LRP1B: variants seen among roughly 807,000 people sequenced by gnomAD.
The protein encoded by LRP1B is low-density lipoprotein receptor-related protein 1B.
In LRP1B, 217 loss-of-function variants were observed where a neutral mutation model predicts 556.6. The ratio of observed to expected loss-of-function variants is 0.39; its 90% CI spans 0.35 to 0.44. The LOEUF (loss-of-function observed/expected upper bound fraction) is 0.44. Ranked by LOEUF, LRP1B falls within the 20% of genes least tolerant of loss-of-function variation. LRP1B has a pLI of 1.00. For missense variants in LRP1B, 5,053 were observed against 5,620.8 expected (o/e 0.90, Z 3.23); for synonymous variants, 2,047 against 1,865.8 (o/e 1.10, Z -2.50).
intron 41 of LRP1B, among the ~76,000 whole-genome samples, chr2:140,658,389 C>T (rs1574203763): frequency 6.6e-6 from 1 of 151,882 alleles, no homozygotes; most frequent in East Asian, 1.9e-4. Flanking sequence ...CAAAAAAGTT[C>T]ATGTTTTCTA....
At chr2:140,644,863 G>C (rs1684424009) in intron 41 of LRP1B, among the ~76,000 whole-genome samples, 1 of 151,946 alleles carries the variant, frequency 6.6e-6, no homozygotes, top group Non-Finnish European at 1.5e-5. Flanking sequence ...TTATTCATTG[G>C]CCTTAGTATT....
intron 46 of LRP1B, among the ~76,000 whole-genome samples, chr2:140,536,300 C>A (rs543590456): frequency 2.5e-5 from 3 of 118,120 alleles, no homozygotes; most frequent in East Asian, 2.5e-4. Context: ...CACAATGAGA[C>A]CCCGTCTCTT....
chr2:141,773,943 T>C (rs893557420), intron 2 of LRP1B, among the ~76,000 whole-genome samples: 7 of 152,234 alleles, frequency 4.6e-5, no homozygotes, highest in Admixed American at 1.3e-4. Context: ...TCAGTGTTTA[T>C]GTCCAGAACT....
rs768322584 is a variant in LRP1B at position 141,015,882 on chromosome 2, T to C, written c.2004A>G (p.Glu668=). 1.9e-6 allele frequency: 3 copies of C among 1,613,486 alleles called. No homozygotes were observed. Among genetic ancestry groups the C allele is most frequent in the East Asian group, 4.5e-5 (2 of 44,784 alleles). ...WMYWTDWEED[E]IDDSVGRIEK... ...CAATCCTTCCCACGCTGTCATCTAT[T>C]TCATCTTCCTCCCAGTCTGTCCAAT... The change falls in exon 13 of 91, where the codon GAA becomes GAG. Residue 668 remains glutamate, a synonymous_variant. Coordinates refer to ENST00000389484, the MANE Select transcript of LRP1B (RefSeq NM_018557.3).
chr2:142,034,032 G>A (rs150204279), intron 1 of LRP1B, among the ~76,000 whole-genome samples: 147 of 151,748 alleles, frequency 9.7e-4, no homozygotes, highest in African/African-American at 3.1e-3. Flanking sequence ...CAGAAACTTG[G>A]AGTCATCTCC....
At chr2:141,265,479 G>A (rs921407230) in intron 3 of LRP1B, among the ~76,000 whole-genome samples, 2 of 152,206 alleles carry the variant, frequency 1.3e-5, no homozygotes, top group African/African-American at 4.8e-5. Flanking sequence ...GCATGCATAA[G>A]AGCCTTGAGG....
intron 1 of LRP1B, among the ~76,000 whole-genome samples, chr2:142,017,162 CA>C (rs1703174767): frequency 6.6e-6 from 1 of 151,778 alleles, no homozygotes; most frequent in Admixed American, 6.6e-5. Flanking sequence ...AATATAAAGA[CA>C]AAAAATTGAA....
At chr2:141,806,310 T>C (rs1267306978) in intron 2 of LRP1B, among the ~76,000 whole-genome samples, 1 of 151,998 alleles carries the variant, frequency 6.6e-6, no homozygotes, top group East Asian at 1.9e-4. Flanking sequence ...GCTAACAACA[T>C]TGGGTTGAAA....
intron 31 of LRP1B, among the ~76,000 whole-genome samples, chr2:140,823,934 G>C (rs1843585): frequency 0.46 from 69,355 of 151,688 alleles, 17,798 homozygotes; most frequent in Non-Finnish European, 0.57. Context: ...GATTCTACTT[G>C]AGGGTGGAAG....
rs2105086034 is a variant in LRP1B at position 140,335,625 on chromosome 2, G to A, written c.12106C>T (p.Pro4036Ser). ...AAGCCATTAACCTACCCTCTTTTAG[G>A]ATTTACTGCAATAGCATAGGGTTCT... Reference protein sequence around the residue: ...AGEPYAIAVNPKRGMMYWTVV... With the variant: ...AGEPYAIAVNSKRGMMYWTVV... The change falls in exon 78 of 91, where the codon CCT becomes TCT. Residue 4036 changes from proline (P) to serine (S), a missense_variant. Physicochemically the swap from Pro to Ser is moderately conservative, Grantham distance 74. Transcript: ENST00000389484. 6.3e-7 allele frequency: 1 copy of A among 1,599,494 alleles called. No individual in the cohort carries two copies. The highest frequency in any genetic ancestry group is 2.2e-5 in the East Asian group (1 of 44,728).
intron 41 of LRP1B, among the ~76,000 whole-genome samples, chr2:140,643,330 T>C (rs1684369869): frequency 6.6e-6 from 1 of 152,178 alleles, no homozygotes; most frequent in Admixed American, 6.5e-5. Flanking sequence ...CTGTCTACAC[T>C]TCATTGTTTA....
At chr2:140,954,335 TGA>T (rs956471436) in intron 18 of LRP1B, among the ~76,000 whole-genome samples, 80 of 152,272 alleles carry the variant, frequency 5.3e-4, no homozygotes, top group African/African-American at 1.9e-3. Context: ...TTGGTTCAAA[TGA>T]GTAAACAATA....
At chr2:142,013,678 A>C (rs1703027530) in intron 1 of LRP1B, among the ~76,000 whole-genome samples, 1 of 152,140 alleles carries the variant, frequency 6.6e-6, no homozygotes, top group South Asian at 2.1e-4. Context: ...TGGTGAATGG[A>C]ACTATTTCAG....
intron 41 of LRP1B, among the ~76,000 whole-genome samples, chr2:140,613,649 A>C (rs1360971096): frequency 6.6e-6 from 1 of 151,452 alleles, no homozygotes; most frequent in Non-Finnish European, 1.5e-5. Flanking sequence ...AAAGACTCTC[A>C]GACAAAGGAC....
At chr2:140,235,927 T>C (rs1238268346) in intron 89 of LRP1B, among the ~76,000 whole-genome samples, 1 of 151,024 alleles carries the variant, frequency 6.6e-6, no homozygotes, top group Non-Finnish European at 1.5e-5. Flanking sequence ...AACTCTATTA[T>C]TTGTCTTTCT....
chr2:140,297,330 A>T (rs1304196044), intron 84 of LRP1B, among the ~76,000 whole-genome samples: 1 of 152,002 alleles, frequency 6.6e-6, no homozygotes. Flanking sequence ...GGTGTGACAT[A>T]GACATCTAGG....
intron 43 of LRP1B, among the ~76,000 whole-genome samples, chr2:140,561,490 G>A (rs1326548875): frequency 2.0e-5 from 3 of 152,042 alleles, no homozygotes; most frequent in Admixed American, 6.6e-5. Context: ...CCCATGTCAC[G>A]TAAAGCTGTG....
At chr2:141,257,282 A>G (rs1195990831) in intron 3 of LRP1B, among the ~76,000 whole-genome samples, 1 of 152,164 alleles carries the variant, frequency 6.6e-6, no homozygotes, top group Non-Finnish European at 1.5e-5. Context: ...CAGTTATACT[A>G]TGAAAAGAAT....
At chr2:141,696,207 G>T (rs530474894) in intron 2 of LRP1B, among the ~76,000 whole-genome samples, 1 of 151,842 alleles carries the variant, frequency 6.6e-6, no homozygotes, top group Admixed American at 6.6e-5. Context: ...GCTACTAAAA[G>T]TAGGCTTAGA....
Sources: allele counts gnomAD v4.1 joint callset (sites outside exome capture counted in the v4.1 genomes callset), GRCh38; gene constraint gnomAD v4.1.1; transcripts MANE v1.5; gene names NCBI Gene and HGNC (gene_info 2026-07-23, HGNC 2026-07-21).